The following COL25A1 variants were observed in gnomAD, a reference collection of about 807,000 sequenced individuals.
The protein encoded by COL25A1 is collagen type XXV alpha 1 chain, also known as collagen alpha-1(XXV) chain.
A neutral mutation model predicts 128.4 loss-of-function variants in COL25A1; 103 were observed. The observed-to-expected ratio is 0.80, with a 90% CI of 0.68 to 0.94. COL25A1 has a LOEUF of 0.94. Among genes scored for constraint, COL25A1 ranks in the 40% least tolerant of loss-of-function variants. COL25A1 has a pLI of 0.00. For synonymous variants in COL25A1, 279 were observed against 277.2 expected (o/e 1.01, Z -0.06); for missense variants, 745 against 840.0 (o/e 0.89, Z 1.40).
intron 35 of COL25A1, among the ~76,000 whole-genome samples, chr4:108,823,079 A>T (rs1731966386): frequency 6.6e-6 from 1 of 152,212 alleles, no homozygotes; most frequent in African/African-American, 2.4e-5. Flanking sequence ...CCACAAGCTT[A>T]ATAATCTTCT....
At chr4:109,018,615 CA>C (rs537424462) in intron 5 of COL25A1, among the ~76,000 whole-genome samples, 75 of 152,322 alleles carry the variant, frequency 4.9e-4, no homozygotes, top group South Asian at 1.2e-3. Flanking sequence ...TCTACACTTG[CA>C]GCACCAGGGA....
intron 3 of COL25A1, among the ~76,000 whole-genome samples, chr4:109,229,415 T>C (rs1779022491): frequency 6.6e-6 from 1 of 152,222 alleles, no homozygotes; most frequent in South Asian, 2.1e-4. Flanking sequence ...TATGTTTTTG[T>C]TTAAAGATAC....
At chr4:109,079,977 G>A (rs1295613868) in intron 3 of COL25A1, among the ~76,000 whole-genome samples, 2 of 152,060 alleles carry the variant, frequency 1.3e-5, no homozygotes, top group African/African-American at 2.4e-5. Context: ...GTATAGAGGT[G>A]TTTATACTAA....
intron 6 of COL25A1, among the ~76,000 whole-genome samples, chr4:108,981,836 CACTT>C (rs1289253438): frequency 8.5e-5 from 13 of 152,118 alleles, no homozygotes; most frequent in African/African-American, 2.9e-4. Flanking sequence ...ATCAAGTACA[CACTT>C]AATATTTTAA....
At chr4:108,827,286 T>C in intron 32 of COL25A1, 98 bp from the exon 33 acceptor site, 1 of 1,051,616 alleles carries the variant, frequency 9.5e-7, no homozygotes, top group Non-Finnish European at 1.5e-6. Context: ...TCAAGGACCA[T>C]TCTATGAAAA....
At chr4:108,945,055 G>A (rs1425546198) in intron 8 of COL25A1, among the ~76,000 whole-genome samples, 1 of 151,910 alleles carries the variant, frequency 6.6e-6, no homozygotes, top group African/African-American at 2.4e-5. Context: ...TCAAACTGGG[G>A]TAAAAGTAAC....
intron 19 of COL25A1, 123 bp from the exon 20 acceptor site, chr4:108,869,273 C>G (rs1424016917): frequency 1.7e-6 from 1 of 581,268 alleles, no homozygotes; most frequent in Non-Finnish European, 2.9e-6. Context: ...TGGTTGTATA[C>G]AGCTTTCTTG....
At chr4:108,818,405 C>T (rs1484877438) in intron 36 of COL25A1, among the ~76,000 whole-genome samples, 2 of 151,982 alleles carry the variant, frequency 1.3e-5, no homozygotes, top group African/African-American at 2.4e-5. Context: ...ACCATCAACG[C>T]AAACATAAAA....
intron 32 of COL25A1, among the ~76,000 whole-genome samples, chr4:108,830,267 G>A (rs1030815351): frequency 6.6e-6 from 1 of 152,178 alleles, no homozygotes; most frequent in African/African-American, 2.4e-5. Context: ...ATCAGCTAAG[G>A]TAGGGAGGAT....
chr4:109,290,105 G>A (rs1237783606), intron 3 of COL25A1, among the ~76,000 whole-genome samples: 2 of 152,026 alleles, frequency 1.3e-5, no homozygotes, highest in South Asian at 2.1e-4. Context: ...GAGGATTGAT[G>A]ATGGAAGCAA....
chr4:109,154,652 G>T (rs748757111), intron 3 of COL25A1, among the ~76,000 whole-genome samples: 1 of 152,120 alleles, frequency 6.6e-6, no homozygotes, highest in East Asian at 1.9e-4. Context: ...CGCCTAACAC[G>T]AGTGAGTCAG....
At position 108,832,432 on chromosome 4, in the gene COL25A1, C is replaced by T; in HGVS notation, c.1658G>A (p.Gly553Asp). The T allele has an allele frequency of 1.3e-6, 2 of 1,596,696 alleles. No individual in the cohort carries two copies. Among genetic ancestry groups the T allele is most frequent in the Non-Finnish European group, 1.7e-6 (2 of 1,170,146 alleles). Residue 553 changes from glycine to aspartate, a missense_variant and splice_region_variant, in exon 32 of 38, where the codon GGT becomes GAT. Physicochemically the swap from Gly to Asp is moderately conservative, Grantham distance 94. Coordinates refer to ENST00000399132, the MANE Select transcript of COL25A1 (RefSeq NM_198721.4). ...ATGGGGTCCCATAGGACCATCTGTA[C>T]CCTAAAAAAAAGATAATATGAGATA... ...MGPHGLPGPKGTDGPMGPHGP... is the reference protein window; with the variant it reads ...MGPHGLPGPKDTDGPMGPHGP...
At chr4:109,271,554 C>T (rs1782200071) in intron 3 of COL25A1, among the ~76,000 whole-genome samples, 1 of 152,200 alleles carries the variant, frequency 6.6e-6, no homozygotes, top group Non-Finnish European at 1.5e-5. Flanking sequence ...TATCTACCAT[C>T]TTGGATTTGC....
At chr4:108,998,755 A>G (rs547702266) in intron 6 of COL25A1, among the ~76,000 whole-genome samples, 22 of 152,354 alleles carry the variant, frequency 1.4e-4, no homozygotes, top group African/African-American at 5.3e-4. Flanking sequence ...TGGTACTGGT[A>G]CCAAAACAGA....
intron 5 of COL25A1, among the ~76,000 whole-genome samples, chr4:109,036,249 T>C (rs1051969404): frequency 1.6e-5 from 2 of 123,312 alleles, no homozygotes; most frequent in African/African-American, 3.4e-5. Context: ...TTAAAAAGGA[T>C]TTTTTTTTCC....
intron 19 of COL25A1, among the ~76,000 whole-genome samples, chr4:108,872,130 A>G (rs1738798354): frequency 6.6e-6 from 1 of 152,166 alleles, no homozygotes; most frequent in South Asian, 2.1e-4. Flanking sequence ...GAAAAGTTCA[A>G]TAGGCCAGGC....
intron 3 of COL25A1, among the ~76,000 whole-genome samples, chr4:109,297,720 G>A (rs1159220342): frequency 2.0e-5 from 3 of 151,912 alleles, no homozygotes; most frequent in African/African-American, 7.3e-5. Context: ...ATGTGTCTCT[G>A]TAGATCACAG....
At chr4:109,053,564 G>A (rs1337651852) in intron 3 of COL25A1, among the ~76,000 whole-genome samples, 6 of 152,084 alleles carry the variant, frequency 3.9e-5, no homozygotes, top group African/African-American at 7.2e-5. Context: ...ACCCTTCCCT[G>A]GCTCATCAGG....
At chr4:109,104,744 A>T (rs1451236023) in intron 3 of COL25A1, among the ~76,000 whole-genome samples, 2 of 152,330 alleles carry the variant, frequency 1.3e-5, no homozygotes, top group Admixed American at 1.3e-4. Context: ...GAGAGAGGCA[A>T]CCTATAAATT....
Sources: allele counts gnomAD v4.1 joint callset (sites outside exome capture counted in the v4.1 genomes callset), GRCh38; gene constraint gnomAD v4.1.1; transcripts MANE v1.5; gene names NCBI Gene and HGNC (gene_info 2026-07-23, HGNC 2026-07-21).